MACROD2: variants seen among roughly 807,000 people sequenced by gnomAD.
MACROD2 encodes mono-ADP ribosylhydrolase 2, also known as ADP-ribose glycohydrolase MACROD2.
MACROD2 carries 36 observed loss-of-function variants against 70.4 expected under a neutral mutation model. That is an observed-to-expected ratio of 0.51 (90% CI 0.39 to 0.68). MACROD2 has a LOEUF of 0.68. Among genes scored for constraint, MACROD2 ranks in the 30% least tolerant of loss-of-function variants. MACROD2 has a pLI of 0.00. For missense variants in MACROD2, 496 were observed against 538.4 expected (o/e 0.92, Z 0.78); for synonymous variants, 172 against 178.8 (o/e 0.96, Z 0.30).
At chr20:14,403,284 G>A (rs6110273) in intron 3 of MACROD2, among the ~76,000 whole-genome samples, 1 of 151,954 alleles carries the variant, frequency 6.6e-6, no homozygotes, top group Non-Finnish European at 1.5e-5. Context: ...CATTAATTAA[G>A]GAAAAAGCCA....
intron 3 of MACROD2, among the ~76,000 whole-genome samples, chr20:14,129,660 G>A (rs944208146): frequency 2.0e-5 from 3 of 152,092 alleles, no homozygotes; most frequent in South Asian, 2.1e-4. Context: ...GAAGTAAATC[G>A]ATGTTTTAAA....
At chr20:15,811,750 G>A (rs1409332345) in intron 8 of MACROD2, among the ~76,000 whole-genome samples, 1 of 152,134 alleles carries the variant, frequency 6.6e-6, no homozygotes, top group Non-Finnish European at 1.5e-5. Context: ...TCAGAGTAGG[G>A]GAGGAAATAG....
chr20:14,839,895 C>T (rs2073068769), intron 5 of MACROD2, among the ~76,000 whole-genome samples: 1 of 152,094 alleles, frequency 6.6e-6, no homozygotes, highest in Admixed American at 6.6e-5. Context: ...ACACCTTTTG[C>T]TCTCCATTTT....
At chr20:14,760,428 T>C (rs543620297) in intron 5 of MACROD2, among the ~76,000 whole-genome samples, 24 of 152,270 alleles carry the variant, frequency 1.6e-4, no homozygotes, top group African/African-American at 5.3e-4. Context: ...TAGGAAAGTA[T>C]TAATTAATTT....
intron 3 of MACROD2, among the ~76,000 whole-genome samples, chr20:14,274,278 A>G (rs1435957694): frequency 1.3e-5 from 2 of 152,214 alleles, no homozygotes; most frequent in East Asian, 3.9e-4. Flanking sequence ...CCAGCAGCAC[A>G]TCAAAAAGCT....
chr20:15,695,344 C>T (rs2050352112), intron 8 of MACROD2, among the ~76,000 whole-genome samples: 1 of 151,806 alleles, frequency 6.6e-6, no homozygotes, highest in African/African-American at 2.4e-5. Context: ...TCTACCCATC[C>T]ACGAGCATGG....
intron 2 of MACROD2, among the ~76,000 whole-genome samples, chr20:14,040,213 CA>C (rs781371136): frequency 4.6e-5 from 7 of 152,076 alleles, no homozygotes; most frequent in Non-Finnish European, 7.4e-5. Flanking sequence ...AGCTACCTAT[CA>C]CACACCTAGG....
intron 8 of MACROD2, among the ~76,000 whole-genome samples, chr20:15,551,337 T>TAA (rs149415845): frequency 0.037 from 5,338 of 143,500 alleles, 107 homozygotes; most frequent in South Asian, 0.1. Flanking sequence ...ATTTAATATT[T>TAA]AAAAAAAAAA....
chr20:14,103,829 T>G (rs1432785158), intron 3 of MACROD2, among the ~76,000 whole-genome samples: 3 of 152,128 alleles, frequency 2.0e-5, no homozygotes, highest in Non-Finnish European at 4.4e-5. Flanking sequence ...ATCCCCTCAT[T>G]GTTGGAAATT....
chr20:15,607,592 G>C (rs759059399), intron 8 of MACROD2, among the ~76,000 whole-genome samples: 1 of 152,190 alleles, frequency 6.6e-6, no homozygotes, highest in Non-Finnish European at 1.5e-5. Context: ...GGAGTGCAAT[G>C]GCACTATCTT....
At chr20:15,805,268 A>G (rs1600919651) in intron 8 of MACROD2, among the ~76,000 whole-genome samples, 1 of 152,234 alleles carries the variant, frequency 6.6e-6, no homozygotes, top group South Asian at 2.1e-4. Context: ...GAACCACTGT[A>G]GGCTTCTGAA....
At chr20:14,692,955 C>T (rs1600547909) in intron 5 of MACROD2, among the ~76,000 whole-genome samples, 1 of 152,300 alleles carries the variant, frequency 6.6e-6, no homozygotes, top group African/African-American at 2.4e-5. Context: ...TTGGAAGCAA[C>T]TGGTGTTTAC....
chr20:15,328,497 C>T (rs2077956886), intron 6 of MACROD2, among the ~76,000 whole-genome samples: 1 of 152,100 alleles, frequency 6.6e-6, no homozygotes, highest in Non-Finnish European at 1.5e-5. Context: ...GACATCATTG[C>T]TACTTGTCTG....
At chr20:15,636,699 G>T (rs2049375609) in intron 8 of MACROD2, among the ~76,000 whole-genome samples, 1 of 152,108 alleles carries the variant, frequency 6.6e-6, no homozygotes, top group Non-Finnish European at 1.5e-5. Flanking sequence ...TATTATTTCT[G>T]TTGTCAACAA....
chr20:16,027,309 C>A (rs577537258), intron 15 of MACROD2, among the ~76,000 whole-genome samples: 5 of 152,242 alleles, frequency 3.3e-5, no homozygotes, highest in Middle Eastern at 3.4e-3. Context: ...CATTTCTAGT[C>A]CTTTGGTCAT....
intron 6 of MACROD2, among the ~76,000 whole-genome samples, chr20:15,333,207 A>C (rs1188260681): frequency 6.6e-6 from 1 of 151,588 alleles, no homozygotes; most frequent in Non-Finnish European, 1.5e-5. Flanking sequence ...CTCCAAGCCC[A>C]GTGCATGAGA....
intron 5 of MACROD2, among the ~76,000 whole-genome samples, chr20:14,915,295 G>C (rs1388110138): frequency 6.6e-6 from 1 of 152,140 alleles, no homozygotes; most frequent in Non-Finnish European, 1.5e-5. Flanking sequence ...GACTTTAATG[G>C]CATTCTGGTG....
At chr20:14,331,290 CA>C (rs2082832307) in intron 3 of MACROD2, among the ~76,000 whole-genome samples, 1 of 152,070 alleles carries the variant, frequency 6.6e-6, no homozygotes, top group Non-Finnish European at 1.5e-5. Context: ...TTGATTTTCA[CA>C]TTTTTAACCC....
rs564624435 is a variant in MACROD2, at chr20:15,027,061, A to G, written c.419-202879A>G. ...AATTGAACACCTGGCAACCCTAATGATTTGGTTTACACAGTGATTTATGTT... is the reference window on the plus strand; with the variant it reads ...AATTGAACACCTGGCAACCCTAATGGTTTGGTTTACACAGTGATTTATGTT... On this transcript the variant is annotated intron_variant, in intron 5 of 17. Transcript: ENST00000684519. 2.6e-5 allele frequency among the ~76,000 whole-genome samples: 4 copies of G among 152,204 alleles called. No individual in the cohort carries two copies. The South Asian group carries it at 8.3e-4, about 32-fold the overall frequency.
Sources: allele counts gnomAD v4.1 joint callset (sites outside exome capture counted in the v4.1 genomes callset), GRCh38; gene constraint gnomAD v4.1.1; transcripts MANE v1.5; gene names NCBI Gene and HGNC (gene_info 2026-07-23, HGNC 2026-07-21).